The following TNFSF4 variants were observed in gnomAD, a reference collection of about 807,000 sequenced individuals.
TNFSF4 encodes tumor necrosis factor ligand superfamily member 4.
A neutral mutation model predicts 7.3 loss-of-function variants in TNFSF4; 4 were observed. The ratio of observed to expected loss-of-function variants is 0.55; its 90% CI spans 0.27 to 1.25. The LOEUF is 1.25. TNFSF4 is among the 50% of genes most tolerant of loss of function. The pLI, the probability that TNFSF4 is intolerant of heterozygous loss-of-function variation, is 0.12. For synonymous variants in TNFSF4, 76 were observed against 83.7 expected, an observed-to-expected ratio of 0.91 and a Z score of 0.50; for missense variants, 181 against 208.8, an observed-to-expected ratio of 0.87 and a Z score of 0.82.
At chr1:173,370,789 C>G in the TNFSF4 span, among the ~76,000 whole-genome samples, 1 of 123,862 alleles carries the variant, frequency 8.1e-6, no homozygotes, top group Non-Finnish European at 1.8e-5. Context: ...AGAGAAAGGC[C>G]CTTAGTCATG....
At chr1:173,282,109 T>G in the TNFSF4 span, among the ~76,000 whole-genome samples, 1 of 152,300 alleles carries the variant, frequency 6.6e-6, no homozygotes, top group Admixed American at 6.5e-5. Context: ...ATAGAAGAAG[T>G]AAGTTCTAGC....
the TNFSF4 span, among the ~76,000 whole-genome samples, chr1:173,405,130 T>C: frequency 6.6e-6 from 1 of 152,192 alleles, no homozygotes; most frequent in East Asian, 1.9e-4. Context: ...TGCTCACTGA[T>C]GCATCCCAAG....
the TNFSF4 span, among the ~76,000 whole-genome samples, chr1:173,337,271 G>A: frequency 1.3e-5 from 2 of 152,244 alleles, no homozygotes; most frequent in East Asian, 3.9e-4. Flanking sequence ...GAGATTGGTT[G>A]CTTAATTATG....
At chr1:173,380,119 A>C in the TNFSF4 span, among the ~76,000 whole-genome samples, 1 of 152,216 alleles carries the variant, frequency 6.6e-6, no homozygotes, top group South Asian at 2.1e-4. Flanking sequence ...AAGGTCCGTT[A>C]CTATCCGAGG....
At chr1:173,369,452 C>T in the TNFSF4 span, among the ~76,000 whole-genome samples, 9 of 152,220 alleles carry the variant, frequency 5.9e-5, no homozygotes, top group African/African-American at 2.2e-4. Context: ...TCTTTGTGGT[C>T]TAGGAGGAAA....
the TNFSF4 span, among the ~76,000 whole-genome samples, chr1:173,337,668 G>A: frequency 6.6e-6 from 1 of 152,198 alleles, no homozygotes; most frequent in East Asian, 1.9e-4. Context: ...CCTCCCAGTG[G>A]ACAGAACTTT....
chr1:173,448,722 C>T, the TNFSF4 span, among the ~76,000 whole-genome samples: 2 of 152,246 alleles, frequency 1.3e-5, no homozygotes, highest in Middle Eastern at 6.8e-3. Context: ...ATTTACACTT[C>T]TTTTGTGGTG....
At position 173,186,257 on chromosome 1, in the gene TNFSF4, C is replaced by T. The variant is rs1453687367; in HGVS notation, c.*259G>A. On this transcript the variant is annotated 3_prime_UTR_variant, in exon 3 of 3. Coordinates refer to ENST00000281834, the MANE Select transcript of TNFSF4 (RefSeq NM_003326.5). The stretch of plus-strand genomic sequence containing the variant: ...TATTTTTTCTTTCTCACAAAGGTGC[C>T]TAGTAGGCTCAAGGCAATCTTGGGG... 1.6e-5 allele frequency: 6 copies of T among 382,584 alleles called. No homozygotes were observed. The East Asian group carries it at 2.4e-4, about 15-fold the overall frequency. 23.7% of individuals were successfully genotyped at this position (382,584 alleles called of 1,614,324 possible). A position where few individuals can be genotyped will look rare whatever the true frequency, so the allele number is the denominator to read the frequency against.
At chr1:173,320,514 A>G in the TNFSF4 span, among the ~76,000 whole-genome samples, 1 of 152,176 alleles carries the variant, frequency 6.6e-6, no homozygotes, top group East Asian at 1.9e-4. Context: ...AGGGTATTCA[A>G]ATAGGAAGAA....
the TNFSF4 span, among the ~76,000 whole-genome samples, chr1:173,242,289 C>A: frequency 1.3e-5 from 2 of 152,148 alleles, no homozygotes; most frequent in African/African-American, 4.8e-5. Context: ...AATCCACCCT[C>A]CAAACACCAA....
At chr1:173,175,766 G>A in the TNFSF4 span, among the ~76,000 whole-genome samples, 3 of 152,126 alleles carry the variant, frequency 2.0e-5, no homozygotes, top group Non-Finnish European at 1.5e-5. Context: ...GGGGATTTAG[G>A]CTCAACTGTC....
the TNFSF4 span, among the ~76,000 whole-genome samples, chr1:173,338,704 C>T: frequency 1.3e-5 from 2 of 152,300 alleles, no homozygotes; most frequent in Non-Finnish European, 2.9e-5. Flanking sequence ...CAGTGACCCA[C>T]TGGCAAAATT....
chr1:173,248,048 G>C, the TNFSF4 span, among the ~76,000 whole-genome samples: 2 of 152,132 alleles, frequency 1.3e-5, no homozygotes, highest in East Asian at 3.9e-4. Context: ...GTTCTAGATA[G>C]ATAGAACAGC....
chr1:173,431,809 A>G, the TNFSF4 span, among the ~76,000 whole-genome samples: 1 of 152,050 alleles, frequency 6.6e-6, no homozygotes, highest in Non-Finnish European at 1.5e-5. Context: ...CCAAATGGTG[A>G]CTCCTTGGTG....
At chr1:173,188,389 T>C (rs1649322363) in intron 2 of TNFSF4, 132 bp downstream of exon 2, 3 of 711,418 alleles carry the variant, frequency 4.2e-6, no homozygotes, top group South Asian at 3.7e-5. Flanking sequence ...GCTACAACAA[T>C]TCTGGGATTT....
chr1:173,397,361 A>T, the TNFSF4 span, among the ~76,000 whole-genome samples: 1 of 152,164 alleles, frequency 6.6e-6, no homozygotes, highest in Non-Finnish European at 1.5e-5. Context: ...ATCCAAAGGG[A>T]CCTTTGACCT....
the TNFSF4 span, among the ~76,000 whole-genome samples, chr1:173,400,340 G>A: frequency 6.6e-6 from 1 of 152,226 alleles, no homozygotes; most frequent in Non-Finnish European, 1.5e-5. Flanking sequence ...GCAAGGAATA[G>A]ATAGTGCTGT....
At chr1:173,231,685 C>T in the TNFSF4 span, among the ~76,000 whole-genome samples, 36 of 151,894 alleles carry the variant, frequency 2.4e-4, no homozygotes, top group Admixed American at 2.3e-3. Context: ...CCCTCTTTGC[C>T]GATGACATGA....
At chr1:173,290,993 A>G in the TNFSF4 span, among the ~76,000 whole-genome samples, 1 of 152,216 alleles carries the variant, frequency 6.6e-6, no homozygotes, top group Non-Finnish European at 1.5e-5. Flanking sequence ...GATAAAGAAC[A>G]AAATTAAGGC....
Sources: allele counts gnomAD v4.1 joint callset (sites outside exome capture counted in the v4.1 genomes callset), GRCh38; gene constraint gnomAD v4.1.1; transcripts MANE v1.5; gene names NCBI Gene and HGNC (gene_info 2026-07-23, HGNC 2026-07-21).